The following SLC4A4 variants were observed in gnomAD, a reference collection of about 807,000 sequenced individuals.
The protein encoded by SLC4A4 is solute carrier family 4 member 4.
A neutral mutation model predicts 111.5 loss-of-function variants in SLC4A4; 27 were observed. The observed-to-expected ratio is 0.24, with a 90% CI of 0.18 to 0.33. SLC4A4 has a LOEUF of 0.33. Ranked by LOEUF, SLC4A4 falls within the 10% of genes least tolerant of loss-of-function variation. The pLI, the probability that SLC4A4 is intolerant of heterozygous loss-of-function variation, is 1.00. For synonymous variants in SLC4A4, 443 were observed against 463.4 expected, an observed-to-expected ratio of 0.96 and a Z score of 0.57; for missense variants, 909 against 1,315.5, an observed-to-expected ratio of 0.69 and a Z score of 4.78.
rs370996429 is a variant in SLC4A4 at position 71,547,663 on chromosome 4, T to C, written c.2637T>C (p.Thr879=). ...TTGGTTTCAGGGAACAAAGAGTCAC[T>C]GGAACCCTTGTGTTTATTCTGACTG... The part of the protein sequence containing the change: ...KFLGVREQRV[T]GTLVFILTGL... Residue 879 remains threonine (T), a synonymous_variant, in exon 20 of 26, where the codon ACT becomes ACC. Coordinates refer to ENST00000264485, the MANE Select transcript of SLC4A4 (RefSeq NM_001098484.3). The C allele has an allele frequency of 5.0e-6, 8 of 1,611,912 alleles. No individual in the cohort carries two copies. The highest frequency in any genetic ancestry group is 6.8e-6 in the Non-Finnish European group (8 of 1,178,468).
At chr4:71,115,285 A>G (rs1743214572) in intron 2 of SLC4A4, among the ~76,000 whole-genome samples, 1 of 151,892 alleles carries the variant, frequency 6.6e-6, no homozygotes, top group Non-Finnish European at 1.5e-5. Flanking sequence ...ATGTATACAT[A>G]TGTAACTAAC....
chr4:71,121,803 G>A (rs1388176446), intron 2 of SLC4A4, among the ~76,000 whole-genome samples: 4 of 152,070 alleles, frequency 2.6e-5, no homozygotes, highest in African/African-American at 9.7e-5. Flanking sequence ...TTGTTTTTTC[G>A]CTCTTTGCAA....
chr4:71,486,089 G>A (rs1330762458), intron 14 of SLC4A4, among the ~76,000 whole-genome samples: 1 of 151,172 alleles, frequency 6.6e-6, no homozygotes. Flanking sequence ...ATAAACTATG[G>A]GACCCTAAAC....
Position 71,571,053 on chromosome 4 carries a change from C to T in SLC4A4, c.*3302C>T, listed in dbSNP as rs1049932594. ...AGTTTGCGTGTATTTTATGCTCATG[C>T]ACCAACCCATACAGAGTAAATCTTT... On this transcript the variant is annotated 3_prime_UTR_variant, in exon 26 of 26. Coordinates refer to ENST00000264485, the MANE Select transcript of SLC4A4 (RefSeq NM_001098484.3). 1 of 152,186 alleles carries T rather than the reference C, an allele frequency of 6.6e-6. No homozygotes were observed. Among genetic ancestry groups the T allele is most frequent in the Non-Finnish European group, 1.5e-5 (1 of 67,854 alleles). The allele number at this position is 152,186 out of a possible 1,614,324, so 9.4% of individuals were successfully genotyped here.
chr4:71,179,300 AC>A (rs1745206401), intron 2 of SLC4A4, among the ~76,000 whole-genome samples: 1 of 152,200 alleles, frequency 6.6e-6, no homozygotes, highest in African/African-American at 2.4e-5. Context: ...GGCACAAGAC[AC>A]GGATGCCCTC....
At chr4:71,151,479 C>A in intron 2 of SLC4A4, among the ~76,000 whole-genome samples, 1 of 152,022 alleles carries the variant, frequency 6.6e-6, no homozygotes, top group East Asian at 1.9e-4. Context: ...GTCATTTTTA[C>A]CTTTAATGAC....
At chr4:71,392,123 A>G (rs867870510) in intron 6 of SLC4A4, among the ~76,000 whole-genome samples, 11 of 152,076 alleles carry the variant, frequency 7.2e-5, no homozygotes, top group Admixed American at 2.6e-4. Context: ...CCAATTTCTA[A>G]TTCCCATGTA....
chr4:71,553,393 A>G (rs549993646), intron 20 of SLC4A4, among the ~76,000 whole-genome samples: 1 of 151,960 alleles, frequency 6.6e-6, no homozygotes, highest in East Asian at 2.0e-4. Context: ...CCACATTAGA[A>G]AAAACATTTA....
chr4:71,095,664 A>G (rs1742524512), intron 2 of SLC4A4, among the ~76,000 whole-genome samples: 2 of 152,196 alleles, frequency 1.3e-5, no homozygotes, highest in African/African-American at 4.8e-5. Context: ...GTACTATGTT[A>G]GGGCTGGATA....
At chr4:71,068,398 T>C (rs966029360) in intron 1 of SLC4A4, among the ~76,000 whole-genome samples, 1 of 151,706 alleles carries the variant, frequency 6.6e-6, no homozygotes, top group African/African-American at 2.4e-5. Context: ...AAAGTATATA[T>C]ACATCCATCT....
chr4:71,278,982 T>A (rs1176840168), intron 3 of SLC4A4, among the ~76,000 whole-genome samples: 1 of 152,196 alleles, frequency 6.6e-6, no homozygotes, highest in Non-Finnish European at 1.5e-5. Flanking sequence ...ATTTATGGTA[T>A]ACAGTGTGAT....
chr4:71,514,050 G>A (rs1174479627), intron 16 of SLC4A4, among the ~76,000 whole-genome samples: 1 of 152,118 alleles, frequency 6.6e-6, no homozygotes, highest in Non-Finnish European at 1.5e-5. Flanking sequence ...ATTTTGTTGA[G>A]AATTTCTGCA....
chr4:71,316,327 G>C (rs1726674460), intron 3 of SLC4A4, among the ~76,000 whole-genome samples: 1 of 152,172 alleles, frequency 6.6e-6, no homozygotes, highest in East Asian at 1.9e-4. Context: ...GAACATTCTG[G>C]ACCTTAACAA....
At chr4:71,291,006 G>A (rs1021973050) in intron 3 of SLC4A4, among the ~76,000 whole-genome samples, 2 of 152,134 alleles carry the variant, frequency 1.3e-5, no homozygotes, top group African/African-American at 4.8e-5. Flanking sequence ...GGAAGTGGAG[G>A]CACCAAAGAA....
At chr4:71,519,044 T>C (rs1246689639) in intron 16 of SLC4A4, among the ~76,000 whole-genome samples, 1 of 152,176 alleles carries the variant, frequency 6.6e-6, no homozygotes, top group Non-Finnish European at 1.5e-5. Flanking sequence ...GTGGAGAGTG[T>C]AAAACTGTCC....
chr4:71,196,967 C>A (rs1257542693), intron 1 of SLC4A4, among the ~76,000 whole-genome samples: 2 of 150,332 alleles, frequency 1.3e-5, no homozygotes, highest in African/African-American at 4.9e-5. Flanking sequence ...ATAATCCCAG[C>A]ACTTTGGGAG....
At chr4:71,473,158 G>GA (rs756264804) in intron 14 of SLC4A4, 188 bp downstream of exon 14, 1 of 725,008 alleles carries the variant, frequency 1.4e-6, no homozygotes, top group African/African-American at 1.7e-5. Flanking sequence ...ATTCAACCAG[G>GA]AAGGAGACCA....
chr4:71,285,370 G>A (rs1275544523), intron 3 of SLC4A4, among the ~76,000 whole-genome samples: 2 of 152,154 alleles, frequency 1.3e-5, no homozygotes, highest in Non-Finnish European at 2.9e-5. Context: ...GTGGTGCTCT[G>A]TGTGGCGATT....
intron 3 of SLC4A4, among the ~76,000 whole-genome samples, chr4:71,257,484 G>A (rs974239990): frequency 6.6e-6 from 1 of 152,024 alleles, no homozygotes; most frequent in African/African-American, 2.4e-5. Context: ...TTAATTATTT[G>A]GTACAGTTCT....
Sources: gnomAD v4.1 joint callset for allele counts (sites outside exome capture counted in the v4.1 genomes callset) on GRCh38, gnomAD v4.1.1 for gene constraint, MANE v1.5 for transcripts, NCBI Gene and HGNC (gene_info 2026-07-23, HGNC 2026-07-21) for gene names.